The following AGBL1 variants were observed in gnomAD, a reference collection of about 807,000 sequenced individuals.
The protein encoded by AGBL1 is AGBL carboxypeptidase 1, also known as cytosolic carboxypeptidase 4.
In AGBL1, 130 loss-of-function variants were observed where a neutral mutation model predicts 118.9. That is an observed-to-expected ratio of 1.09 (90% confidence interval 0.95 to 1.26). The LOEUF is 1.26. AGBL1 is among the 50% of genes most tolerant of loss of function. AGBL1 has a pLI of 0.00. For synonymous variants in AGBL1, 555 were observed against 478.9 expected (o/e 1.16, Z -2.08); for missense variants, 1,584 against 1,298.1 (o/e 1.22, Z -3.38).
intron 17 of AGBL1, among the ~76,000 whole-genome samples, chr15:86,343,378 C>T: frequency 6.6e-6 from 1 of 152,118 alleles, no homozygotes; most frequent in East Asian, 1.9e-4. Context: ...TTCTAAGTAC[C>T]TGTAATGGCT....
intron 20 of AGBL1, among the ~76,000 whole-genome samples, chr15:86,549,760 A>G (rs2083638644): frequency 6.6e-6 from 1 of 151,894 alleles, no homozygotes; most frequent in Admixed American, 6.6e-5. Context: ...AGTTAATGGC[A>G]AAATATGATG....
intron 22 of AGBL1, among the ~76,000 whole-genome samples, chr15:86,889,544 C>T (rs2080020218): frequency 6.6e-6 from 1 of 152,124 alleles, no homozygotes; most frequent in Non-Finnish European, 1.5e-5. Flanking sequence ...TCTCCCTTCC[C>T]CCACCTGGCC....
chr15:86,663,118 T>C (rs1170568688), intron 21 of AGBL1, among the ~76,000 whole-genome samples: 1 of 152,136 alleles, frequency 6.6e-6, no homozygotes, highest in Non-Finnish European at 1.5e-5. Flanking sequence ...TATGGGTTAA[T>C]GGCCCCTGCT....
rs377605490 is a variant in AGBL1, at chr15:86,788,203, T to C, written c.3158+113767T>C. Among the ~76,000 whole-genome samples, 5 of 152,248 alleles carry C rather than the reference T, an allele frequency of 3.3e-5. No homozygotes were observed. The East Asian group carries it at 5.8e-4, about 18-fold the overall frequency. On this transcript the variant is annotated intron_variant, in intron 22 of 22. Coordinates refer to ENST00000614907, the MANE Select transcript of AGBL1 (RefSeq NM_001386094.1). The stretch of plus-strand genomic sequence containing the variant: ...CCCTTGGAAGGACTTAGATGCTTTC[T>C]TTGGTCTCTTGCTTGTGAGCTTGAG...
intron 21 of AGBL1, among the ~76,000 whole-genome samples, chr15:86,583,413 T>G (rs887184145): frequency 3.3e-5 from 5 of 152,132 alleles, no homozygotes; most frequent in African/African-American, 1.2e-4. Context: ...TAGTTCCCAC[T>G]TATAAGTGAG....
At chr15:86,524,679 C>G (rs1254784209) in intron 19 of AGBL1, among the ~76,000 whole-genome samples, 3 of 152,162 alleles carry the variant, frequency 2.0e-5, no homozygotes, top group Admixed American at 6.5e-5. Context: ...TAGCATCAAC[C>G]ATCTGGCATG....
chr15:86,690,913 T>A (rs2086154761), intron 22 of AGBL1, among the ~76,000 whole-genome samples: 1 of 152,208 alleles, frequency 6.6e-6, no homozygotes, highest in Non-Finnish European at 1.5e-5. Context: ...TTTATTTATT[T>A]ATGAATTCTA....
At chr15:86,818,505 C>T (rs2078896593) in intron 22 of AGBL1, among the ~76,000 whole-genome samples, 1 of 152,170 alleles carries the variant, frequency 6.6e-6, no homozygotes, top group African/African-American at 2.4e-5. Context: ...AACCACTCCC[C>T]CAAACCCCAA....
At chr15:86,643,370 G>T (rs1014473646) in intron 21 of AGBL1, among the ~76,000 whole-genome samples, 1 of 151,894 alleles carries the variant, frequency 6.6e-6, no homozygotes, top group African/African-American at 2.4e-5. Context: ...TAAAATGTTT[G>T]CCAACATTCT....
At chr15:86,546,690 C>G (rs981026735) in intron 20 of AGBL1, among the ~76,000 whole-genome samples, 2 of 152,148 alleles carry the variant, frequency 1.3e-5, no homozygotes, top group African/African-American at 4.8e-5. Context: ...GACCCTAATT[C>G]TATTTTACTT....
chr15:86,123,006 C>T (rs954291178), intron 1 of AGBL1, among the ~76,000 whole-genome samples: 1 of 152,046 alleles, frequency 6.6e-6, no homozygotes, highest in African/African-American at 2.4e-5. Flanking sequence ...AGTATTTTAC[C>T]CCAAAATATA....
At chr15:87,009,201 G>T (rs966397741) in intron 24 of AGBL1, among the ~76,000 whole-genome samples, 1 of 152,118 alleles carries the variant, frequency 6.6e-6, no homozygotes, top group Non-Finnish European at 1.5e-5. Context: ...GCTCAGTACA[G>T]GGTCCCTATG....
intron 22 of AGBL1, among the ~76,000 whole-genome samples, chr15:86,716,156 C>T (rs1027670701): frequency 1.3e-5 from 2 of 151,926 alleles, no homozygotes; most frequent in African/African-American, 2.4e-5. Context: ...TTAAAGTGTG[C>T]TAGGGATTTC....
intron 5 of AGBL1, among the ~76,000 whole-genome samples, chr15:86,196,842 T>C (rs2077811488): frequency 6.7e-6 from 1 of 150,234 alleles, no homozygotes; most frequent in African/African-American, 2.5e-5. Flanking sequence ...TTTCCTCCTC[T>C]CCCTGCATAT....
At chr15:86,478,836 T>C (rs906468612) in intron 18 of AGBL1, among the ~76,000 whole-genome samples, 2 of 152,140 alleles carry the variant, frequency 1.3e-5, no homozygotes, top group African/African-American at 4.8e-5. Context: ...CAAACTCTAC[T>C]ACAAGGCTAC....
At position 86,214,248 on chromosome 15, in the gene AGBL1, G is replaced by A. The variant is rs192793341; in HGVS notation, c.489-10666G>A. ...GTGCCTGCTCTGTGCTGTGCATTGA[G>A]ATAGGATATCACATCTTTTCTTTTG... On this transcript the variant is annotated intron_variant, in intron 5 of 22. Coordinates refer to ENST00000614907, the MANE Select transcript of AGBL1 (RefSeq NM_001386094.1). Among the ~76,000 whole-genome samples the A allele has an allele frequency of 2.3e-3, 343 of 152,308 alleles. 1 individual carries two copies. Among genetic ancestry groups the A allele is most frequent in the African/African-American group, 7.8e-3 (325 of 41,564 alleles).
At chr15:86,407,500 T>C (rs1396928306) in intron 18 of AGBL1, among the ~76,000 whole-genome samples, 2 of 152,174 alleles carry the variant, frequency 1.3e-5, no homozygotes, top group Non-Finnish European at 2.9e-5. Flanking sequence ...GTACCTAATC[T>C]TTCTAAAGTC....
At chr15:86,625,379 G>GTTTTTTTTTTTTTTT (rs1199638580) in intron 21 of AGBL1, among the ~76,000 whole-genome samples, 2 of 59,464 alleles carry the variant, frequency 3.4e-5, no homozygotes, top group African/African-American at 1.8e-4. Context: ...TTTTTTTTTT[G>GTTTTTTTTTTTTTTT]TTTTTGTTTT....
chr15:86,450,565 C>A (rs569423640), intron 18 of AGBL1, among the ~76,000 whole-genome samples: 1 of 152,114 alleles, frequency 6.6e-6, no homozygotes, highest in South Asian at 2.1e-4. Context: ...TTATTCAGGC[C>A]GGAGAATGAC....
Sources: gnomAD v4.1 joint callset for allele counts (sites outside exome capture counted in the v4.1 genomes callset) on GRCh38, gnomAD v4.1.1 for gene constraint, MANE v1.5 for transcripts, NCBI Gene and HGNC (gene_info 2026-07-23, HGNC 2026-07-21) for gene names.